The following TAS2R1 variants were observed in gnomAD, a reference collection of about 807,000 sequenced individuals.
The protein encoded by TAS2R1 is taste receptor type 2 member 1.
For missense variants in TAS2R1, 370 were observed against 353.4 expected, an observed-to-expected ratio of 1.05 and a Z score of -0.38; for synonymous variants, 141 against 134.2, an observed-to-expected ratio of 1.05 and a Z score of -0.35.
chr5:9,885,380 A>G, the TAS2R1 span, among the ~76,000 whole-genome samples: 1 of 152,260 alleles, frequency 6.6e-6, no homozygotes, highest in Non-Finnish European at 1.5e-5. Context: ...ATCAGAGAGA[A>G]TATTAATTCC....
At chr5:9,757,487 A>T in the TAS2R1 span, among the ~76,000 whole-genome samples, 26 of 152,188 alleles carry the variant, frequency 1.7e-4, no homozygotes, top group Non-Finnish European at 3.2e-4. Context: ...TCATGAACAC[A>T]TTTAACACAG....
the TAS2R1 span, among the ~76,000 whole-genome samples, chr5:9,742,053 G>A: frequency 1.3e-5 from 2 of 151,886 alleles, no homozygotes; most frequent in South Asian, 2.1e-4. Flanking sequence ...GCACCACTAC[G>A]CCTGACTAAT....
chr5:9,719,228 A>G, the TAS2R1 span, among the ~76,000 whole-genome samples: 1 of 152,172 alleles, frequency 6.6e-6, no homozygotes, highest in Non-Finnish European at 1.5e-5. Flanking sequence ...AATGATTCGA[A>G]AAAAATTGTG....
chr5:9,747,750 C>T, the TAS2R1 span, among the ~76,000 whole-genome samples: 7 of 151,444 alleles, frequency 4.6e-5, no homozygotes, highest in African/African-American at 1.7e-4. Flanking sequence ...ACAAGTGGGA[C>T]ACCTCTTTCA....
intron 1 of TAS2R1, among the ~76,000 whole-genome samples, chr5:9,693,457 GT>G (rs202238916): frequency 0.031 from 4,664 of 148,514 alleles, 92 homozygotes; most frequent in African/African-American, 0.058. Context: ...CTGGGAGGAG[GT>G]GGTTGCAGTG....
the TAS2R1 span, among the ~76,000 whole-genome samples, chr5:9,744,603 C>G: frequency 6.6e-6 from 1 of 152,166 alleles, no homozygotes; most frequent in East Asian, 1.9e-4. Context: ...TTCATGACAT[C>G]ATTAGATTAT....
chr5:9,814,527 C>T, the TAS2R1 span, among the ~76,000 whole-genome samples: 1 of 152,132 alleles, frequency 6.6e-6, no homozygotes, highest in African/African-American at 2.4e-5. Flanking sequence ...ATACATTCTA[C>T]ATTCCAGATC....
chr5:9,807,729 CATAAGAATGAT>C, the TAS2R1 span, among the ~76,000 whole-genome samples: 1 of 151,978 alleles, frequency 6.6e-6, no homozygotes, highest in East Asian at 1.9e-4. Context: ...GAAGCAAAGG[CATAAGAATGAT>C]ACATTGGACT....
the TAS2R1 span, among the ~76,000 whole-genome samples, chr5:9,863,825 C>T: frequency 8.5e-5 from 13 of 152,178 alleles, no homozygotes; most frequent in African/African-American, 2.7e-4. Context: ...GGTGAACACA[C>T]CCCTCCCCTT....
chr5:9,678,461 A>G lies in TAS2R1; in HGVS notation c.-241-18880T>C, dbSNP rs185631848. ...TACCCAAAGGAATATAGATCATTCT[A>G]TCATAAATATACATGCATGCATATG... On this transcript the variant is annotated intron_variant, in intron 1 of 2. Transcript: ENST00000506620. 3.3e-4 allele frequency among the ~76,000 whole-genome samples: 50 copies of G among 152,338 alleles called. No homozygotes were observed. The East Asian group carries it at 6.0e-3, about 18-fold the overall frequency.
chr5:9,679,648 C>T (rs1740956297), intron 1 of TAS2R1, among the ~76,000 whole-genome samples: 1 of 152,090 alleles, frequency 6.6e-6, no homozygotes, highest in African/African-American at 2.4e-5. Context: ...TGGTGGAATC[C>T]AGGTTTCTCA....
chr5:9,782,472 TG>T, the TAS2R1 span, among the ~76,000 whole-genome samples: 11 of 91,964 alleles, frequency 1.2e-4, no homozygotes, highest in South Asian at 2.5e-3. Flanking sequence ...GGGGCGGGGC[TG>T]GGGGGGTCCC....
chr5:9,629,001 G>T lies in TAS2R1; in HGVS notation c.*132C>A. 4.3e-6 allele frequency: 4 copies of T among 933,002 alleles called. No homozygotes were observed. The allele number at this position is 933,002 out of a possible 1,614,324, so 57.8% of individuals were successfully genotyped here. A position where few individuals can be genotyped will look rare whatever the true frequency, so the allele number is the denominator to read the frequency against. ...GTAGCATATCCACAGAAATACCTCA[G>T]GCTGGATAAACAGGCCTGAAGGGGA... On this transcript the variant is annotated 3_prime_UTR_variant, in exon 1 of 1. Transcript: ENST00000382492.
chr5:9,863,292 G>C, the TAS2R1 span, among the ~76,000 whole-genome samples: 1 of 144,908 alleles, frequency 6.9e-6, no homozygotes, highest in South Asian at 2.2e-4. Context: ...TTTTGAGATG[G>C]AGTCTCGCTC....
the TAS2R1 span, among the ~76,000 whole-genome samples, chr5:9,836,134 GTTCTC>G: frequency 2.0e-5 from 3 of 151,944 alleles, no homozygotes; most frequent in Non-Finnish European, 4.4e-5. Context: ...CCCTGAACGA[GTTCTC>G]TTCTCTTGTC....
the TAS2R1 span, among the ~76,000 whole-genome samples, chr5:9,841,064 C>T: frequency 4.2e-4 from 64 of 152,072 alleles, no homozygotes; most frequent in African/African-American, 1.5e-3. Flanking sequence ...CACTTTAAAG[C>T]TTTTATTCTA....
chr5:9,835,054 G>A, the TAS2R1 span, among the ~76,000 whole-genome samples: 2 of 152,186 alleles, frequency 1.3e-5, no homozygotes, highest in African/African-American at 2.4e-5. Flanking sequence ...CTAGGGGCAC[G>A]GCAGCAGCTC....
the TAS2R1 span, chr5:9,761,089 A>G: frequency 5.3e-5 from 8 of 152,162 alleles, no homozygotes; most frequent in Non-Finnish European, 1.0e-4. Flanking sequence ...GAGAATAACA[A>G]GGTCATAGGA....
chr5:9,708,332 A>G (rs1741664506), intron 1 of TAS2R1, among the ~76,000 whole-genome samples: 1 of 152,156 alleles, frequency 6.6e-6, no homozygotes, highest in Non-Finnish European at 1.5e-5. Context: ...AGCAGATTCA[A>G]TTTTGTTCAC....
Sources: allele counts gnomAD v4.1 joint callset (sites outside exome capture counted in the v4.1 genomes callset), GRCh38; gene constraint gnomAD v4.1.1; transcripts MANE v1.5; gene names NCBI Gene and HGNC (gene_info 2026-07-23, HGNC 2026-07-21).